DSCAM: variants seen among roughly 807,000 people sequenced by gnomAD.
DSCAM encodes cell adhesion molecule DSCAM.
DSCAM carries 47 observed loss-of-function variants against 217.7 expected under a neutral mutation model. The ratio of observed to expected loss-of-function variants is 0.22; its 90% CI spans 0.17 to 0.28. The LOEUF is 0.28. Among genes scored for constraint, DSCAM ranks in the 10% least tolerant of loss-of-function variants. The pLI is 1.00. For synonymous variants in DSCAM, 1,056 were observed against 1,015.3 expected (o/e 1.04, Z -0.76); for missense variants, 2,080 against 2,618.3 (o/e 0.79, Z 4.49).
intron 3 of DSCAM, among the ~76,000 whole-genome samples, chr21:40,622,490 T>G (rs1014271974): frequency 1.3e-5 from 2 of 152,166 alleles, no homozygotes; most frequent in Non-Finnish European, 2.9e-5. Flanking sequence ...CAGTTTTGAC[T>G]CCATTTGCAT....
intron 26 of DSCAM, 88 bp downstream of exon 26, chr21:40,078,599 A>T: frequency 6.6e-7 from 1 of 1,523,950 alleles, no homozygotes; most frequent in Non-Finnish European, 8.9e-7. Context: ...AAACTATGGC[A>T]AAGATGATGT....
intron 3 of DSCAM, among the ~76,000 whole-genome samples, chr21:40,559,330 C>T (rs1019529202): frequency 1.8e-4 from 27 of 151,762 alleles, no homozygotes; most frequent in East Asian, 1.6e-3. Context: ...CGGTGGCGGG[C>T]GCCTGTAGTC....
At chr21:40,133,746 G>A (rs755906061) in intron 19 of DSCAM, 108 bp downstream of exon 19, 1 of 1,362,514 alleles carries the variant, frequency 7.3e-7, no homozygotes, top group Non-Finnish European at 9.8e-7. Flanking sequence ...GGGCAGCAAA[G>A]GTTTGCACTG....
At chr21:40,406,349 C>A (rs924215934) in intron 3 of DSCAM, among the ~76,000 whole-genome samples, 1 of 152,186 alleles carries the variant, frequency 6.6e-6, no homozygotes, top group Admixed American at 6.5e-5. Flanking sequence ...CAGCTACACT[C>A]CCATATTCAC....
chr21:40,097,788 A>T (rs1238505755), intron 20 of DSCAM, among the ~76,000 whole-genome samples: 1 of 151,744 alleles, frequency 6.6e-6, no homozygotes, highest in African/African-American at 2.4e-5. Context: ...AAAAACACAA[A>T]AAATTAGCCG....
rs539668379 is a variant in DSCAM, at chr21:40,434,024, G to A, written c.509-64779C>T. Among the ~76,000 whole-genome samples the A allele has an allele frequency of 3.4e-4, 52 of 152,354 alleles. 1 individual carries two copies. Among genetic ancestry groups the A allele is most frequent in the African/African-American group, 1.0e-3 (42 of 41,582 alleles). Reference sequence around the variant, plus strand: ...GGGAAGGGCCAGTGACTTCCAAGGGGCATCTAGACCGCCTTTCTTCTTCCA... The same window carrying A: ...GGGAAGGGCCAGTGACTTCCAAGGGACATCTAGACCGCCTTTCTTCTTCCA... On this transcript the variant is annotated intron_variant, in intron 3 of 32. Coordinates refer to ENST00000400454, the MANE Select transcript of DSCAM (RefSeq NM_001389.5).
chr21:40,817,578 C>A (rs2091890546), intron 1 of DSCAM, among the ~76,000 whole-genome samples: 1 of 152,204 alleles, frequency 6.6e-6, no homozygotes, highest in Non-Finnish European at 1.5e-5. Context: ...GAAAAGCAAG[C>A]GTGATGCATA....
At chr21:40,342,640 ATATATAT>A (rs1251272400) in intron 6 of DSCAM, among the ~76,000 whole-genome samples, 2 of 94,202 alleles carry the variant, frequency 2.1e-5, no homozygotes, top group Admixed American at 2.4e-4. Flanking sequence ...ATATATATAT[ATATATAT>A]ATTTTTTTTT....
intron 3 of DSCAM, among the ~76,000 whole-genome samples, chr21:40,505,781 T>C (rs2076205577): frequency 6.6e-6 from 1 of 152,188 alleles, no homozygotes; most frequent in Non-Finnish European, 1.5e-5. Flanking sequence ...TACTCTATGA[T>C]TGTGATATGC....
At chr21:40,829,682 T>G (rs2091997479) in intron 1 of DSCAM, among the ~76,000 whole-genome samples, 1 of 152,154 alleles carries the variant, frequency 6.6e-6, no homozygotes, top group Non-Finnish European at 1.5e-5. Flanking sequence ...GGTCACCTAG[T>G]GTTGTCTGCT....
Position 40,323,502 on chromosome 21 carries a change from C to T in DSCAM, c.1784-11143G>A, listed in dbSNP as rs78939113. On this transcript the variant is annotated intron_variant, in intron 8 of 32. Transcript: ENST00000400454. ...AGTATCTTGTTATTTTCCCTCAGAA[C>T]AAGGAAAAGATAGAAGAAGAATAAA... 8.4e-3 allele frequency among the ~76,000 whole-genome samples: 1,283 copies of T among 151,938 alleles called. 4 individuals are homozygous for T. Among genetic ancestry groups the T allele is most frequent in the Middle Eastern group, 0.031 (9 of 294 alleles).
chr21:40,187,061 A>G, intron 14 of DSCAM, 70 bp downstream of exon 14: 1 of 1,584,282 alleles, frequency 6.3e-7, no homozygotes, highest in Non-Finnish European at 8.6e-7. Flanking sequence ...CAGGTAAAAC[A>G]CATTAATAAG....
At chr21:40,769,550 C>T (rs1032415699) in intron 1 of DSCAM, among the ~76,000 whole-genome samples, 4 of 152,206 alleles carry the variant, frequency 2.6e-5, no homozygotes, top group East Asian at 1.9e-4. Context: ...AGCCAGCCTC[C>T]TTCAACCATC....
At chr21:40,730,070 C>T (rs1042062570) in intron 1 of DSCAM, among the ~76,000 whole-genome samples, 3 of 152,160 alleles carry the variant, frequency 2.0e-5, no homozygotes, top group Non-Finnish European at 4.4e-5. Flanking sequence ...TGAAATGTGG[C>T]TTGGGCTTCA....
chr21:40,259,653 C>T (rs1388644149), intron 11 of DSCAM, among the ~76,000 whole-genome samples: 1 of 137,906 alleles, frequency 7.3e-6, no homozygotes, highest in South Asian at 2.4e-4. Context: ...AGTTTTGAGT[C>T]AGCCATTCTT....
chr21:40,342,299 T>A (rs2074501141), intron 6 of DSCAM, among the ~76,000 whole-genome samples: 1 of 152,048 alleles, frequency 6.6e-6, no homozygotes, highest in Non-Finnish European at 1.5e-5. Context: ...ACACATATAT[T>A]TGTGTGTGTA....
At chr21:40,091,480 G>A (rs73908403) in intron 21 of DSCAM, among the ~76,000 whole-genome samples, 2,895 of 151,928 alleles carry the variant, frequency 0.019, 103 homozygotes, top group African/African-American at 0.066. Flanking sequence ...TCACATAACC[G>A]CCTTTGCTTG....
chr21:40,745,773 A>G (rs2091168222), intron 1 of DSCAM, among the ~76,000 whole-genome samples: 1 of 152,180 alleles, frequency 6.6e-6, no homozygotes, highest in Non-Finnish European at 1.5e-5. Context: ...ATAATATTGT[A>G]ATTGTGGAAC....
chr21:40,580,054 T>G (rs1302178648), intron 3 of DSCAM, among the ~76,000 whole-genome samples: 1 of 151,856 alleles, frequency 6.6e-6, no homozygotes, highest in African/African-American at 2.4e-5. Flanking sequence ...AGATCTACCT[T>G]GGAGAATCCA....
Sources: gnomAD v4.1 joint callset for allele counts (sites outside exome capture counted in the v4.1 genomes callset) on GRCh38, gnomAD v4.1.1 for gene constraint, MANE v1.5 for transcripts, NCBI Gene and HGNC (gene_info 2026-07-23, HGNC 2026-07-21) for gene names.